FAM120C: variants seen among roughly 807,000 people sequenced by gnomAD.
FAM120C encodes the protein constitutive coactivator of PPAR-gamma-like protein 2.
FAM120C carries 14 observed loss-of-function variants against 71.2 expected under a neutral mutation model. That is an observed-to-expected ratio of 0.20 (90% confidence interval 0.13 to 0.31). FAM120C has a LOEUF of 0.31. Among genes scored for constraint, FAM120C ranks in the 10% least tolerant of loss-of-function variants. The pLI, the probability that FAM120C is intolerant of heterozygous loss-of-function variation, is 1.00. For missense variants in FAM120C, 500 were observed against 879.0 expected (o/e 0.57, Z 5.45); for synonymous variants, 354 against 353.2 (o/e 1.00, Z -0.03).
At chrX:54,179,484 C>T (rs2067335848) in intron 1 of FAM120C, among the ~76,000 whole-genome samples, 1 of 111,806 alleles carries the variant, frequency 8.9e-6, no homozygotes, top group Admixed American at 9.5e-5. Flanking sequence ...GTAGAACACT[C>T]CTCTGAAAAG....
intron 13 of FAM120C, among the ~76,000 whole-genome samples, chrX:54,084,826 C>T (rs1557121752): frequency 9.0e-6 from 1 of 111,459 alleles, no homozygotes; most frequent in Admixed American, 9.6e-5. Flanking sequence ...AACTGTAGCT[C>T]AAGTGCCACC....
At chrX:54,079,563 C>T (rs942507769) in intron 15 of FAM120C, among the ~76,000 whole-genome samples, 2 of 112,157 alleles carry the variant, frequency 1.8e-5, no homozygotes, top group African/African-American at 6.5e-5. Flanking sequence ...TTCGGGAGGC[C>T]GAGGCGAGTG....
intron 4 of FAM120C, among the ~76,000 whole-genome samples, chrX:54,146,382 G>T (rs2067156658): frequency 9.0e-6 from 1 of 111,544 alleles, no homozygotes; most frequent in African/African-American, 3.2e-5. Context: ...AGATAACAGT[G>T]AAAAATAATA....
chrX:54,183,239 G>C lies in FAM120C; in HGVS notation c.-41C>G. 1.0e-6 allele frequency: 1 copy of C among 1,000,575 alleles called. No homozygotes were observed. Among genetic ancestry groups the C allele is most frequent in the Non-Finnish European group, 1.3e-6 (1 of 782,635 alleles). The allele number at this position is 1,000,575 out of a possible 1,213,427, so 82.5% of individuals were successfully genotyped here. The stretch of plus-strand genomic sequence containing the variant: ...AGACGCGATAGCGGCTGCGCAAGCA[G>C]GATAGGCGACGATCTGGGCGCGAAG... On this transcript the variant is annotated 5_prime_UTR_variant, in exon 1 of 16. Transcript: ENST00000375180.
intron 10 of FAM120C, among the ~76,000 whole-genome samples, chrX:54,093,165 A>C (rs2066832390): frequency 8.9e-6 from 1 of 112,000 alleles, no homozygotes; most frequent in African/African-American, 3.2e-5. Context: ...AGAGTGACTG[A>C]TGCATTAATC....
intron 10 of FAM120C, among the ~76,000 whole-genome samples, chrX:54,116,265 G>A (rs2066967237): frequency 9.0e-6 from 1 of 111,195 alleles, no homozygotes; most frequent in South Asian, 3.8e-4. Context: ...AGATGACTAT[G>A]GGTGAATAAA....
intron 10 of FAM120C, among the ~76,000 whole-genome samples, chrX:54,101,071 A>G (rs1000726684): frequency 2.7e-5 from 3 of 111,720 alleles, no homozygotes; most frequent in East Asian, 5.6e-4. Flanking sequence ...CTGGGCTCCC[A>G]GGCTTTCAAT....
At chrX:54,168,195 G>T in intron 1 of FAM120C, among the ~76,000 whole-genome samples, 1 of 111,404 alleles carries the variant, frequency 9.0e-6, no homozygotes, top group Middle Eastern at 4.6e-3. Flanking sequence ...GGAATGCAGT[G>T]GTGGGATCAC....
chrX:54,177,656 G>A (rs1557136824), intron 1 of FAM120C, among the ~76,000 whole-genome samples: 1 of 111,619 alleles, frequency 9.0e-6, no homozygotes, highest in Non-Finnish European at 1.9e-5. Context: ...GAAAAGATGT[G>A]TTGAAAGCTC....
intron 3 of FAM120C, among the ~76,000 whole-genome samples, chrX:54,154,849 C>T (rs1409896020): frequency 5.4e-5 from 6 of 110,930 alleles, no homozygotes; most frequent in East Asian, 5.7e-4. Flanking sequence ...GAGTCATCAA[C>T]GGACAGATGG....
At chrX:54,158,694 G>A (rs1220134407) in intron 2 of FAM120C, among the ~76,000 whole-genome samples, 1 of 111,306 alleles carries the variant, frequency 9.0e-6, no homozygotes, top group African/African-American at 3.3e-5. Flanking sequence ...ACTTGAACCT[G>A]GGAGGCGGAG....
chrX:54,136,667 C>A, intron 4 of FAM120C, 77 bp from the exon 5 acceptor site: 1 of 700,580 alleles, frequency 1.4e-6, no homozygotes, highest in South Asian at 3.0e-5. Context: ...ATTTGGGAAT[C>A]AAAATAATTA....
intron 11 of FAM120C, among the ~76,000 whole-genome samples, chrX:54,089,610 C>T (rs1471986988): frequency 1.8e-5 from 2 of 111,352 alleles, no homozygotes; most frequent in African/African-American, 6.5e-5. Context: ...TTACTAAAGT[C>T]AAGGGAGGGA....
chrX:54,129,881 G>A (rs1238725888), intron 9 of FAM120C, among the ~76,000 whole-genome samples: 1 of 110,405 alleles, frequency 9.1e-6, no homozygotes, highest in Non-Finnish European at 1.9e-5. Context: ...CCAGTCAGGC[G>A]TGGCGGCGCG....
At chrX:54,106,111 A>G (rs1226853213) in intron 10 of FAM120C, among the ~76,000 whole-genome samples, 11 of 111,792 alleles carry the variant, frequency 9.8e-5, no homozygotes, top group African/African-American at 3.6e-4. Context: ...AGACAATCCT[A>G]AGCAAAAAGA....
At chrX:54,114,206 G>C (rs1215905352) in intron 10 of FAM120C, among the ~76,000 whole-genome samples, 1 of 110,946 alleles carries the variant, frequency 9.0e-6, no homozygotes, top group Non-Finnish European at 1.9e-5. Flanking sequence ...ATAAGTGGGA[G>C]GTAAATAATG....
In FAM120C at chrX:54,098,572, GATGATCATTTT is replaced by G. The variant is rs2066866273; in HGVS notation, c.2313-7157_2313-7147del. Among the ~76,000 whole-genome samples, 3 of 111,540 alleles carry G rather than the reference GATGATCATTTT, an allele frequency of 2.7e-5. No individual in the cohort carries two copies. In the East Asian group the frequency reaches 8.5e-4, roughly 31 times the overall value. On this transcript the variant is annotated intron_variant, in intron 10 of 15. Coordinates refer to ENST00000375180, the MANE Select transcript of FAM120C (RefSeq NM_017848.6). ...TTGTTGTTATGATTTGCATTTCCCT[GATGATCATTTT>G]TTCATGTGCTTATTGGACATTTGTA...
At chrX:54,148,239 ACT>A (rs1193958996) in intron 4 of FAM120C, among the ~76,000 whole-genome samples, 1 of 111,245 alleles carries the variant, frequency 9.0e-6, no homozygotes, top group African/African-American at 3.3e-5. Flanking sequence ...ATTATAAAGA[ACT>A]CTCAAAACAC....
intron 3 of FAM120C, among the ~76,000 whole-genome samples, chrX:54,156,806 G>A (rs1557133763): frequency 9.6e-6 from 1 of 103,753 alleles, no homozygotes; most frequent in Non-Finnish European, 2.0e-5. Flanking sequence ...AGAATTGCCT[G>A]AACCTGGGAG....
Sources: allele counts gnomAD v4.1 joint callset (sites outside exome capture counted in the v4.1 genomes callset), GRCh38; gene constraint gnomAD v4.1.1; transcripts MANE v1.5; gene names NCBI Gene and HGNC (gene_info 2026-07-23, HGNC 2026-07-21).